CADM1: variants seen among roughly 807,000 people sequenced by gnomAD.
The protein encoded by CADM1 is TSLC-1.
Under a neutral mutation model 53.1 loss-of-function variants are expected in CADM1, and 15 were observed. That is an observed-to-expected ratio of 0.28 (90% CI 0.19 to 0.44). CADM1 has a LOEUF of 0.44. CADM1 is among the 20% of genes least tolerant of loss of function. The pLI is 1.00. For synonymous variants in CADM1, 281 were observed against 243.0 expected (o/e 1.16, Z -1.45); for missense variants, 434 against 611.3 (o/e 0.71, Z 3.06).
At chr11:115,302,926 C>G (rs1055159897) in intron 1 of CADM1, among the ~76,000 whole-genome samples, 2 of 151,988 alleles carry the variant, frequency 1.3e-5, no homozygotes, top group Non-Finnish European at 2.9e-5. Context: ...AGACACATTA[C>G]CAGTTGCAAT....
chr11:115,272,077 ATT>A (rs5794962), intron 1 of CADM1, among the ~76,000 whole-genome samples: 2 of 148,026 alleles, frequency 1.4e-5, no homozygotes, highest in African/African-American at 5.0e-5. Flanking sequence ...TTCATTATAG[ATT>A]TTTTTTTTTT....
At chr11:115,397,559 A>G (rs1293400336) in intron 1 of CADM1, 3 of 152,184 alleles carry the variant, frequency 2.0e-5, no homozygotes, top group African/African-American at 7.2e-5. Context: ...TTCCATCACT[A>G]AACTGATATG....
At chr11:115,417,831 T>C (rs549988401) in intron 1 of CADM1, among the ~76,000 whole-genome samples, 8 of 152,316 alleles carry the variant, frequency 5.3e-5, no homozygotes, top group South Asian at 4.1e-4. Context: ...AGTGAAACCA[T>C]GGGCAAGCGG....
At position 115,198,324 on chromosome 11, in the gene CADM1, A is replaced by C. The variant is rs1940258543; in HGVS notation, c.1111+82T>G. ...CTACTTGAAACATGATTTCCCTTGA[A>C]GACTACATTTCTCTTTTTCCCAGGC... is the stretch of plus-strand genomic sequence containing the variant. On this transcript the variant is annotated intron_variant, in intron 9 of 11. Transcript: ENST00000331581. The C allele has an allele frequency of 3.0e-6, 3 of 1,013,692 alleles. No individual in the cohort carries two copies. The South Asian group carries it at 4.1e-5, about 14-fold the overall frequency. The allele number at this position is 1,013,692 out of a possible 1,614,324, so 62.8% of individuals were successfully genotyped here.
chr11:115,388,853 T>C (rs1056857610), intron 1 of CADM1, among the ~76,000 whole-genome samples: 1 of 152,100 alleles, frequency 6.6e-6, no homozygotes, highest in Non-Finnish European at 1.5e-5. Flanking sequence ...GGACTGGATC[T>C]TGCACTGTAG....
intron 1 of CADM1, among the ~76,000 whole-genome samples, chr11:115,260,917 G>A (rs945937266): frequency 1.3e-5 from 2 of 151,658 alleles, no homozygotes; most frequent in African/African-American, 2.4e-5. Flanking sequence ...CTCATGATCC[G>A]CCCGCCTCAG....
At chr11:115,450,886 C>A (rs550111816) in intron 1 of CADM1, among the ~76,000 whole-genome samples, 2 of 152,148 alleles carry the variant, frequency 1.3e-5, no homozygotes, top group African/African-American at 4.8e-5. Flanking sequence ...AGATCTTTCC[C>A]CCACAACCCC....
intron 1 of CADM1, 91 bp downstream of exon 1, chr11:115,504,180 G>A (rs893278381): frequency 1.3e-6 from 2 of 1,523,886 alleles, no homozygotes; most frequent in African/African-American, 1.4e-5. Flanking sequence ...GTGGGGGGAG[G>A]TTGTCATGGA....
intron 1 of CADM1, among the ~76,000 whole-genome samples, chr11:115,249,529 C>T (rs1225285976): frequency 1.3e-5 from 2 of 152,204 alleles, no homozygotes; most frequent in Admixed American, 6.5e-5. Context: ...TTTCCCAAAA[C>T]ACAAGCTATT....
chr11:115,350,692 G>A (rs1007930802), intron 1 of CADM1, among the ~76,000 whole-genome samples: 5 of 151,678 alleles, frequency 3.3e-5, no homozygotes, highest in Non-Finnish European at 7.4e-5. Context: ...ATTAAACACT[G>A]TATTTCATGC....
In CADM1 at chr11:115,382,004, C is replaced by T. The variant is rs964636287; in HGVS notation, c.124+122267G>A. On this transcript the variant is annotated intron_variant, in intron 1 of 11. Coordinates refer to ENST00000331581, the MANE Select transcript of CADM1 (RefSeq NM_001301043.2). ...GGACCACAGGTGCCCGCCACCACAC[C>T]GGGCTAGTTTTTGTATTTTTAGTAG... Among the ~76,000 whole-genome samples the T allele has an allele frequency of 2.6e-5, 4 of 152,074 alleles. No individual in the cohort carries two copies. In the East Asian group the frequency reaches 5.8e-4, roughly 22 times the overall value.
chr11:115,409,539 C>G (rs1383885688), intron 1 of CADM1, among the ~76,000 whole-genome samples: 3 of 151,872 alleles, frequency 2.0e-5, no homozygotes, highest in Non-Finnish European at 4.4e-5. Flanking sequence ...AGTGGCCCAC[C>G]AAGATAAAAG....
intron 1 of CADM1, among the ~76,000 whole-genome samples, chr11:115,420,523 T>C (rs1200425515): frequency 6.6e-6 from 1 of 152,144 alleles, no homozygotes; most frequent in Non-Finnish European, 1.5e-5. Flanking sequence ...TCCTCATCCA[T>C]TGGTTACGAT....
At chr11:115,242,055 A>G (rs1942253338) in intron 1 of CADM1, among the ~76,000 whole-genome samples, 1 of 151,944 alleles carries the variant, frequency 6.6e-6, no homozygotes, top group Non-Finnish European at 1.5e-5. Flanking sequence ...CCACCTAGAA[A>G]TAGACCAGCC....
chr11:115,207,785 C>T (rs370604334), intron 8 of CADM1, among the ~76,000 whole-genome samples: 3 of 151,930 alleles, frequency 2.0e-5, no homozygotes, highest in Non-Finnish European at 2.9e-5. Context: ...GCAAGTTCTG[C>T]GAAGATAAAA....
intron 3 of CADM1, among the ~76,000 whole-genome samples, chr11:115,234,085 T>C (rs1340682766): frequency 6.6e-6 from 1 of 152,226 alleles, no homozygotes. Flanking sequence ...CCCTCAAACA[T>C]ACTCAGATGG....
intron 1 of CADM1, among the ~76,000 whole-genome samples, chr11:115,328,680 G>GTA (rs1218872899): frequency 5.6e-5 from 2 of 35,776 alleles, no homozygotes; most frequent in Non-Finnish European, 1.3e-4. Context: ...ATATATATGT[G>GTA]TATATATATG....
At position 115,171,518 on chromosome 11, in the gene CADM1, G is replaced by C. The variant is rs1230053115; in HGVS notation, c.*4956C>G. On this transcript the variant is annotated 3_prime_UTR_variant, in exon 12 of 12. Coordinates refer to ENST00000331581, the MANE Select transcript of CADM1 (RefSeq NM_001301043.2). The stretch of plus-strand genomic sequence containing the variant: ...CAAAACATTTGTGAAAACTCTCTGG[G>C]GGAAACGAGGGCCATTTTCACTCTC... 6.6e-6 allele frequency: 1 copy of C among 152,162 alleles called. No individual in the cohort carries two copies. The highest frequency in any genetic ancestry group is 2.4e-5 in the African/African-American group (1 of 41,428). The allele number at this position is 152,162 out of a possible 1,614,324, so 9.4% of individuals were successfully genotyped here.
chr11:115,243,178 C>G lies in CADM1; in HGVS notation c.125-2758G>C, dbSNP rs12292932. On this transcript the variant is annotated intron_variant, in intron 1 of 11. Coordinates refer to ENST00000331581, the MANE Select transcript of CADM1 (RefSeq NM_001301043.2). Reference sequence around the variant, plus strand: ...CATTCAGGTAAAATTTTTCCATCTGCAAATGTTTGCCCTTGCTGTGCTCTG... The same window carrying G: ...CATTCAGGTAAAATTTTTCCATCTGGAAATGTTTGCCCTTGCTGTGCTCTG... 9.4e-3 allele frequency among the ~76,000 whole-genome samples: 1,424 copies of G among 152,290 alleles called. 22 individuals are homozygous for G. The highest frequency in any genetic ancestry group is 0.032 in the African/African-American group (1,342 of 41,556).
Sources: allele counts gnomAD v4.1 joint callset (sites outside exome capture counted in the v4.1 genomes callset), GRCh38; gene constraint gnomAD v4.1.1; transcripts MANE v1.5; gene names NCBI Gene and HGNC (gene_info 2026-07-23, HGNC 2026-07-21).